Variants in SPG11 observed in about 807,000 individuals in gnomAD.
SPG11 encodes SPG11 vesicle trafficking associated, spatacsin, also known as spatacsin.
Under a neutral mutation model 274.0 loss-of-function variants are expected in SPG11, and 222 were observed. That is an observed-to-expected ratio of 0.81 (90% CI 0.73 to 0.91). The LOEUF is 0.91. Ranked by LOEUF, SPG11 falls within the 40% of genes least tolerant of loss-of-function variation. The probability of loss-of-function intolerance (pLI) is 0.00; values close to 1 mark genes in which losing one functional copy is unlikely to be tolerated. For missense variants in SPG11, 3,114 were observed against 2,872.7 expected (o/e 1.08, Z -1.92); for synonymous variants, 1,144 against 1,039.7 (o/e 1.10, Z -1.93).
At chr15:44,657,018 A>G (rs927567179) in intron 4 of SPG11, 77 bp downstream of exon 4, 1 of 1,321,424 alleles carries the variant, frequency 7.6e-7, no homozygotes, top group African/African-American at 1.5e-5. Context: ...TAAAAAAAAA[A>G]AACTAACGAG....
intron 27 of SPG11, among the ~76,000 whole-genome samples, chr15:44,589,868 C>T (rs2082859820): frequency 6.6e-6 from 1 of 152,230 alleles, no homozygotes; most frequent in Admixed American, 6.5e-5. Flanking sequence ...TACAGTGGTG[C>T]AATCTTGGCT....
chr15:44,579,526 CAAAA>C (rs954664107), intron 30 of SPG11, among the ~76,000 whole-genome samples: 3 of 51,868 alleles, frequency 5.8e-5, no homozygotes, highest in Non-Finnish European at 7.6e-5. Context: ...GACTCCGTCT[CAAAA>C]AAAAAAAAAA....
At chr15:44,585,515 T>G (rs534150787) in intron 29 of SPG11, 121 bp downstream of exon 29, 1 of 748,226 alleles carries the variant, frequency 1.3e-6, no homozygotes, top group African/African-American at 1.8e-5. Context: ...GGCAGGAGAA[T>G]TGCATGAACC....
Position 44,564,629 on chromosome 15 carries a change from G to A in SPG11, c.7069C>T (p.Leu2357Phe), listed in dbSNP as rs139334167. ...TCCAAGTAATTAAAGTCTCCTTTAAGAATCACTTGCTGGTATAAAATTTCA... is the reference window on the plus strand; with the variant it reads ...TCCAAGTAATTAAAGTCTCCTTTAAAAATCACTTGCTGGTATAAAATTTCA... ...WAEILYQQVI[L>F]KGDFNYLEEF... The change falls in exon 39 of 40, where the codon CTT becomes TTT. Residue 2357 changes from leucine (L) to phenylalanine (F), a missense_variant. Coordinates refer to ENST00000261866, the MANE Select transcript of SPG11 (RefSeq NM_025137.4). The A allele has an allele frequency of 1.3e-3, 2,145 of 1,613,770 alleles. 2 individuals are homozygous for A. Among genetic ancestry groups the A allele is most frequent in the Middle Eastern group, 3.6e-3 (22 of 6,062 alleles).
intron 3 of SPG11, among the ~76,000 whole-genome samples, chr15:44,658,629 T>A (rs2085008851): frequency 6.6e-6 from 1 of 152,058 alleles, no homozygotes; most frequent in Non-Finnish European, 1.5e-5. Flanking sequence ...TGGCTAATTT[T>A]TTTGTATTTT....
intron 7 of SPG11, among the ~76,000 whole-genome samples, chr15:44,638,493 C>A (rs1225899308): frequency 5.6e-5 from 7 of 125,190 alleles, no homozygotes; most frequent in South Asian, 5.0e-4. Flanking sequence ...ACAAAAAAAA[C>A]CACAAAACCC....
intron 17 of SPG11, among the ~76,000 whole-genome samples, chr15:44,613,084 A>C (rs1237584181): frequency 1.3e-5 from 2 of 152,300 alleles, no homozygotes; most frequent in African/African-American, 4.8e-5. Context: ...AGGGATCTGG[A>C]AGACAGACCA....
chr15:44,628,848 T>A lies in SPG11; in HGVS notation c.1892-4A>T. Reference sequence around the variant, plus strand: ...TTTTGCAGATGTTCATCTAGTTCTATGGAAAATACCAATGTGCCAATTTGT... The same window carrying A: ...TTTTGCAGATGTTCATCTAGTTCTAAGGAAAATACCAATGTGCCAATTTGT... On this transcript the variant is annotated splice_polypyrimidine_tract_variant and splice_region_variant and intron_variant, in intron 9 of 39. Coordinates refer to ENST00000261866, the MANE Select transcript of SPG11 (RefSeq NM_025137.4). 1.2e-6 allele frequency: 2 copies of A among 1,612,448 alleles called. No individual in the cohort carries two copies. Among genetic ancestry groups the A allele is most frequent in the Non-Finnish European group, 1.7e-6 (2 of 1,179,714 alleles).
At chr15:44,614,120 T>C (rs373338783) in intron 16 of SPG11, among the ~76,000 whole-genome samples, 24 of 152,326 alleles carry the variant, frequency 1.6e-4, no homozygotes, top group African/African-American at 5.3e-4. Context: ...ATACATACTT[T>C]GAAAATACAG....
chr15:44,589,183 C>T (rs533114789), intron 28 of SPG11, 69 bp downstream of exon 28: 1 of 1,541,628 alleles, frequency 6.5e-7, no homozygotes, highest in Non-Finnish European at 8.9e-7. Context: ...CTAACTACCC[C>T]TCTAAAGTAT....
intron 8 of SPG11, among the ~76,000 whole-genome samples, chr15:44,632,800 TC>T (rs1268068211): frequency 6.6e-6 from 1 of 152,046 alleles, no homozygotes; most frequent in Non-Finnish European, 1.5e-5. Flanking sequence ...AGCCACTGCA[TC>T]CCACCAAAAA....
At chr15:44,588,801 T>C (rs1311413428) in intron 28 of SPG11, among the ~76,000 whole-genome samples, 1 of 152,248 alleles carries the variant, frequency 6.6e-6, no homozygotes, top group African/African-American at 2.4e-5. Flanking sequence ...CTAATGGTGT[T>C]TACTCAAAAC....
intron 26 of SPG11, among the ~76,000 whole-genome samples, chr15:44,593,921 TTTC>T (rs1228887947): frequency 1.3e-5 from 2 of 150,068 alleles, no homozygotes; most frequent in African/African-American, 2.5e-5. Flanking sequence ...GCCCGGCTTT[TTTC>T]TTTTCTTTTT....
At position 44,652,200 on chromosome 15, in the gene SPG11, G is replaced by A. The variant is rs771082349; in HGVS notation, c.936C>T (p.Gly312=). 10 of 1,613,860 alleles carry A rather than the reference G, an allele frequency of 6.2e-6. No individual in the cohort carries two copies. The highest frequency in any genetic ancestry group is 1.7e-5 in the Admixed American group (1 of 59,996). ...AGTTAACAGGATCATCTTCATCTACGCCCTTAGGTCCTTGAATAGGAAGAT... is the reference window on the plus strand; with the variant it reads ...AGTTAACAGGATCATCTTCATCTACACCCTTAGGTCCTTGAATAGGAAGAT... ...LEDLPIQGPK[G]VDEDDPVNSA... The change falls in exon 5 of 40, where the codon GGC becomes GGT. Residue 312 remains glycine, a synonymous_variant. Transcript: ENST00000261866.
Position 44,663,355 on chromosome 15 carries a change from A to G in SPG11, c.257+36T>C, listed in dbSNP as rs760190713. ...TCAGTCAGCCGAGCCTAGGCTCTGGACTCCCCCAACGGCCCAACTCTCCCT... is the reference window on the plus strand; with the variant it reads ...TCAGTCAGCCGAGCCTAGGCTCTGGGCTCCCCCAACGGCCCAACTCTCCCT... On this transcript the variant is annotated intron_variant, in intron 1 of 39. Transcript: ENST00000261866. 5 of 1,593,846 alleles carry G rather than the reference A, an allele frequency of 3.1e-6. No homozygotes were observed. The Admixed American group carries it at 8.6e-5, about 27-fold the overall frequency.
At chr15:44,630,284 G>A (rs116790245) in intron 8 of SPG11, among the ~76,000 whole-genome samples, 2,798 of 152,254 alleles carry the variant, frequency 0.018, 92 homozygotes, top group African/African-American at 0.064. Context: ...ATGGGAAACG[G>A]GTTTTCCCCC....
chr15:44,606,791 T>A (rs2083332246), intron 19 of SPG11, among the ~76,000 whole-genome samples: 1 of 152,142 alleles, frequency 6.6e-6, no homozygotes, highest in African/African-American at 2.4e-5. Flanking sequence ...GAAGGAATAC[T>A]TTTCCTAAAA....
intron 28 of SPG11, chr15:44,588,476 C>CT (rs2082824419): frequency 6.4e-6 from 1 of 155,704 alleles, no homozygotes; most frequent in Non-Finnish European, 1.4e-5. Context: ...AGAGGAAAAA[C>CT]TATAATAGTT....
Position 44,584,497 on chromosome 15 carries a change from A to C in SPG11, c.5183T>G (p.Ile1728Ser). 1 of 1,613,984 alleles carries C rather than the reference A, an allele frequency of 6.2e-7. No homozygotes were observed. Among genetic ancestry groups the C allele is most frequent in the Non-Finnish European group, 8.5e-7 (1 of 1,180,034 alleles). ...IEQWSLKQAR[I>S]DFWKKCHENF... Reference sequence around the variant, plus strand: ...CTCATGGCATTTTTTCCAGAAGTCAATTCTTGCTTGTTTTAGTGACCACTG... The same window carrying C: ...CTCATGGCATTTTTTCCAGAAGTCACTTCTTGCTTGTTTTAGTGACCACTG... The change falls in exon 30 of 40, where the codon ATT becomes AGT. Residue 1728 changes from isoleucine to serine, a missense_variant. Ile to Ser is a moderately radical substitution (Grantham distance 142). Coordinates refer to ENST00000261866, the MANE Select transcript of SPG11 (RefSeq NM_025137.4).
Sources: allele counts gnomAD v4.1 joint callset (sites outside exome capture counted in the v4.1 genomes callset), GRCh38; gene constraint gnomAD v4.1.1; transcripts MANE v1.5; gene names NCBI Gene and HGNC (gene_info 2026-07-23, HGNC 2026-07-21).